Variants in AGBL3 observed in about 807,000 individuals in gnomAD.
AGBL3 encodes cytosolic carboxypeptidase 3.
Under a neutral mutation model 94.5 loss-of-function variants are expected in AGBL3, and 68 were observed. The observed-to-expected ratio is 0.72, with a 90% confidence interval of 0.59 to 0.88. AGBL3 has a LOEUF of 0.88. Among genes scored for constraint, AGBL3 ranks in the 40% least tolerant of loss-of-function variants. AGBL3 has a pLI of 0.00. For synonymous variants in AGBL3, 354 were observed against 370.7 expected (o/e 0.95, Z 0.52); for missense variants, 934 against 1,103.8 (o/e 0.85, Z 2.18).
At chr7:135,114,419 T>A (rs1159037292) in intron 15 of AGBL3, among the ~76,000 whole-genome samples, 1 of 152,202 alleles carries the variant, frequency 6.6e-6, no homozygotes, top group African/African-American at 2.4e-5. Context: ...ATAAACATTT[T>A]TTAAAATGTT....
chr7:135,129,675 G>A (rs548536155), intron 16 of AGBL3: 4 of 778,832 alleles, frequency 5.1e-6, no homozygotes, highest in South Asian at 1.3e-5. Flanking sequence ...TATTTGGGAA[G>A]ATGAGATTGA....
At position 135,080,157 on chromosome 7, in the gene AGBL3, A is replaced by C. The variant is rs142549452; in HGVS notation, c.1981-46A>C. 3.5e-4 allele frequency: 473 copies of C among 1,360,342 alleles called. 2 individuals carry two copies. The African/African-American group carries it at 5.6e-3, about 16-fold the overall frequency. The allele number at this position is 1,360,342 out of a possible 1,614,324, so 84.3% of individuals were successfully genotyped here. ...TCATATAGGAAATATACCCCATTTC[A>C]TGTTGATAAAATAGCATTGTTTTCT... On this transcript the variant is annotated intron_variant, in intron 13 of 16. Transcript: ENST00000436302.
intron 16 of AGBL3, among the ~76,000 whole-genome samples, chr7:135,122,407 C>T (rs1193010997): frequency 6.6e-6 from 1 of 152,182 alleles, no homozygotes; most frequent in African/African-American, 2.4e-5. Context: ...GAGCCCCTAG[C>T]GGGAGGGGTG....
At chr7:134,991,998 C>A (rs1202251543) in intron 3 of AGBL3, among the ~76,000 whole-genome samples, 1 of 152,174 alleles carries the variant, frequency 6.6e-6, no homozygotes, top group Non-Finnish European at 1.5e-5. Flanking sequence ...TTTTCAAATT[C>A]TTCAGATAGT....
At chr7:135,010,022 CTTT>C (rs34139471) in intron 4 of AGBL3, 525 of 388,488 alleles carry the variant, frequency 1.4e-3, no homozygotes, top group East Asian at 5.4e-3. Flanking sequence ...GAGGATGACA[CTTT>C]TTTTTTTTTT....
intron 13 of AGBL3, among the ~76,000 whole-genome samples, chr7:135,079,044 C>G (rs1031922201): frequency 6.6e-6 from 1 of 152,078 alleles, no homozygotes; most frequent in Non-Finnish European, 1.5e-5. Flanking sequence ...AATTTCAGCA[C>G]AAACAATTAT....
chr7:135,056,547 A>C (rs1818362699), intron 11 of AGBL3, among the ~76,000 whole-genome samples: 1 of 152,092 alleles, frequency 6.6e-6, no homozygotes, highest in Non-Finnish European at 1.5e-5. Flanking sequence ...ATAATTATAG[A>C]AGGATTTAAA....
At chr7:135,070,811 G>T (rs7809232) in intron 12 of AGBL3, among the ~76,000 whole-genome samples, 55,173 of 151,484 alleles carry the variant, frequency 0.36, 10,292 homozygotes, top group South Asian at 0.48. Flanking sequence ...TTTGAAAACT[G>T]GCACAAGACA....
At chr7:135,116,642 G>A (rs946690745) in intron 16 of AGBL3, among the ~76,000 whole-genome samples, 4 of 152,172 alleles carry the variant, frequency 2.6e-5, no homozygotes, top group African/African-American at 9.7e-5. Context: ...GAGGGTCAAA[G>A]TTCTGGCTTC....
chr7:135,073,471 AAAATAAATAAATAAATAAAT>A (rs138457438), intron 12 of AGBL3, among the ~76,000 whole-genome samples: 7 of 126,072 alleles, frequency 5.6e-5, no homozygotes, highest in Non-Finnish European at 1.7e-5. Context: ...ACTCCGTCTC[AAAATAAATAAATAAATAAAT>A]AAATAAATAA....
intron 12 of AGBL3, among the ~76,000 whole-genome samples, chr7:135,070,803 T>C (rs1819832684): frequency 6.6e-6 from 1 of 152,106 alleles, no homozygotes; most frequent in Non-Finnish European, 1.5e-5. Context: ...GCATTCCCTT[T>C]GAAAACTGGC....
rs190895608 is a variant in AGBL3, at chr7:134,998,489, A to T, written c.310+4811A>T. Among the ~76,000 whole-genome samples, 106 of 152,220 alleles carry T rather than the reference A, an allele frequency of 7.0e-4. 1 individual carries two copies. Among genetic ancestry groups the T allele is most frequent in the Admixed American group, 3.8e-3 (58 of 15,290 alleles). ...ATTTCTCCTATTTTTCACTTGTCAT[A>T]ATTTTTTACCCAAACGTTTTCACCT... On this transcript the variant is annotated intron_variant, in intron 4 of 16. Transcript: ENST00000436302.
At chr7:135,037,270 G>A in intron 7 of AGBL3, 148 bp from the exon 8 acceptor site, 2 of 541,734 alleles carry the variant, frequency 3.7e-6, no homozygotes, top group Non-Finnish European at 5.8e-6. Flanking sequence ...TTAAAAAATT[G>A]TATATTAATA....
chr7:135,129,361 T>G (rs10282402), intron 16 of AGBL3: 474,223 of 935,964 alleles, frequency 0.51, 124,262 homozygotes, highest in South Asian at 0.65. Flanking sequence ...AATGAATACC[T>G]GCAAGCAGAT....
chr7:135,118,144 C>T (rs1826590292), intron 16 of AGBL3, among the ~76,000 whole-genome samples: 1 of 152,134 alleles, frequency 6.6e-6, no homozygotes, highest in Non-Finnish European at 1.5e-5. Flanking sequence ...TATAATTCTT[C>T]CCCTACCCTA....
At position 135,081,783 on chromosome 7, in the gene AGBL3, AG is replaced by A; in HGVS notation, c.2105del (p.Gly702ValfsTer8). 1 of 1,534,054 alleles carries A rather than the reference AG, an allele frequency of 6.5e-7. No individual in the cohort carries two copies. The highest frequency in any genetic ancestry group is 8.8e-7 in the Non-Finnish European group (1 of 1,134,922). On this transcript the variant is annotated frameshift_variant, in exon 15 of 17. Coordinates refer to ENST00000436302, the MANE Select transcript of AGBL3 (RefSeq NM_178563.4). LOFTEE classifies it high-confidence loss of function. ...DYFRRQLPNQ[G>X]LDLHHNLKSK... Reference sequence around the variant, plus strand: ...ATTTCAGAAGACAATTACCTAATCAAGGTTTGGGTGAGTAAAATAGGAACAC... The same window carrying A: ...ATTTCAGAAGACAATTACCTAATCAAGTTTGGGTGAGTAAAATAGGAACAC...
intron 3 of AGBL3, among the ~76,000 whole-genome samples, 166 bp from the exon 4 acceptor site, chr7:134,993,327 A>G (rs1810541855): frequency 6.6e-6 from 1 of 152,242 alleles, no homozygotes; most frequent in Non-Finnish European, 1.5e-5. Context: ...CAATCATCAC[A>G]AAATTTCATT....
intron 15 of AGBL3, among the ~76,000 whole-genome samples, chr7:135,114,568 C>G (rs1826058277): frequency 6.6e-6 from 1 of 152,108 alleles, no homozygotes; most frequent in African/African-American, 2.4e-5. Flanking sequence ...TTTGGAGCCA[C>G]CACTGATTCC....
intron 5 of AGBL3, among the ~76,000 whole-genome samples, chr7:135,029,189 C>T (rs1815467631): frequency 6.6e-6 from 1 of 152,162 alleles, no homozygotes; most frequent in Non-Finnish European, 1.5e-5. Context: ...ACATTCACCC[C>T]TAAGAGGATA....
Sources: allele counts gnomAD v4.1 joint callset (sites outside exome capture counted in the v4.1 genomes callset), GRCh38; gene constraint gnomAD v4.1.1; transcripts MANE v1.5; gene names NCBI Gene and HGNC (gene_info 2026-07-23, HGNC 2026-07-21).